The following ROBO2 variants were observed in gnomAD, a reference collection of about 807,000 sequenced individuals.
ROBO2 encodes roundabout homolog 2.
In ROBO2, 53 loss-of-function variants were observed where a neutral mutation model predicts 160.8. The observed-to-expected ratio is 0.33, with a 90% CI of 0.26 to 0.41. The LOEUF (loss-of-function observed/expected upper bound fraction) is 0.41, where lower values mean the gene tolerates loss of function less well. ROBO2 is among the 10% of genes least tolerant of loss of function. The probability of loss-of-function intolerance (pLI) is 1.00; values close to 1 mark genes in which losing one functional copy is unlikely to be tolerated. For missense variants in ROBO2, 1,577 were observed against 1,722.4 expected, an observed-to-expected ratio of 0.92 and a Z score of 1.49; for synonymous variants, 664 against 611.7, an observed-to-expected ratio of 1.09 and a Z score of -1.26.
At chr3:76,533,467 A>AC (rs1486544245) in intron 2 of ROBO2, among the ~76,000 whole-genome samples, 1 of 152,258 alleles carries the variant, frequency 6.6e-6, no homozygotes, top group Non-Finnish European at 1.5e-5. Flanking sequence ...TGATAGATGC[A>AC]CATCATATTA....
chr3:76,416,853 G>T (rs183162707), intron 2 of ROBO2, among the ~76,000 whole-genome samples: 1 of 152,124 alleles, frequency 6.6e-6, no homozygotes, highest in Non-Finnish European at 1.5e-5. Context: ...TGTAGAGTTC[G>T]AGTTATCAGT....
In ROBO2 at chr3:77,595,715, A is replaced by G. The variant is rs143196632; in HGVS notation, c.2726+531A>G. Reference sequence around the variant, plus strand: ...TGGAGATTGTAATTAGGCTCTGGTAATAACTTCCAATCTCCCATTTAATCA... The same window carrying G: ...TGGAGATTGTAATTAGGCTCTGGTAGTAACTTCCAATCTCCCATTTAATCA... On this transcript the variant is annotated intron_variant, in intron 18 of 25. Transcript: ENST00000461745. 6.4e-4 allele frequency among the ~76,000 whole-genome samples: 98 copies of G among 152,318 alleles called. 1 individual carries two copies. In the East Asian group the frequency reaches 0.018, roughly 29 times the overall value.
intron 2 of ROBO2, among the ~76,000 whole-genome samples, chr3:76,836,228 A>G (rs1295956900): frequency 6.6e-6 from 1 of 151,836 alleles, no homozygotes; most frequent in Non-Finnish European, 1.5e-5. Context: ...GTTGATTACT[A>G]CTTCCTTAAT....
At position 77,556,088 on chromosome 3, in the gene ROBO2, G is replaced by A. The variant is rs562454510; in HGVS notation, c.1232-1856G>A. On this transcript the variant is annotated intron_variant, in intron 8 of 25. Transcript: ENST00000461745. The stretch of plus-strand genomic sequence containing the variant: ...AGGTATTTAATTTGGAAAAAAAATC[G>A]TTTAAAATTTAATTAGTATGCTTTA... Among the ~76,000 whole-genome samples, 295 of 151,730 alleles carry A rather than the reference G, an allele frequency of 1.9e-3. 1 individual carries two copies. Among genetic ancestry groups the A allele is most frequent in the African/African-American group, 6.3e-3 (260 of 41,442 alleles).
chr3:76,785,981 C>T (rs2062948139), intron 2 of ROBO2, among the ~76,000 whole-genome samples: 2 of 151,406 alleles, frequency 1.3e-5, no homozygotes, highest in South Asian at 4.1e-4. Context: ...AACTGAAGGT[C>T]AAATCAGTAA....
At chr3:77,520,514 A>G (rs527829712) in intron 5 of ROBO2, among the ~76,000 whole-genome samples, 32 of 151,338 alleles carry the variant, frequency 2.1e-4, no homozygotes, top group African/African-American at 7.5e-4. Flanking sequence ...AATATACAAT[A>G]TAGGTATCTT....
intron 2 of ROBO2, among the ~76,000 whole-genome samples, chr3:76,645,987 G>A (rs996470866): frequency 6.6e-6 from 1 of 152,138 alleles, no homozygotes; most frequent in Non-Finnish European, 1.5e-5. Flanking sequence ...GAGTATTCAA[G>A]GCTTGGGCAT....
chr3:76,486,641 C>G (rs899263705), intron 2 of ROBO2, among the ~76,000 whole-genome samples: 7 of 152,088 alleles, frequency 4.6e-5, no homozygotes, highest in African/African-American at 1.7e-4. Flanking sequence ...AGAGTCTTCT[C>G]AAATATTAGA....
chr3:76,211,956 GTTAA>G (rs1703173950), intron 2 of ROBO2, among the ~76,000 whole-genome samples: 1 of 151,812 alleles, frequency 6.6e-6, no homozygotes, highest in African/African-American at 2.4e-5. Flanking sequence ...TACAATTGAG[GTTAA>G]TTAATAAGAA....
At chr3:77,382,456 T>C (rs1455419737) in intron 2 of ROBO2, among the ~76,000 whole-genome samples, 1 of 152,114 alleles carries the variant, frequency 6.6e-6, no homozygotes, top group Admixed American at 6.5e-5. Context: ...CAAGTTGTTT[T>C]TGGTTAAATG....
chr3:76,216,579 G>T (rs1703547107), intron 2 of ROBO2, among the ~76,000 whole-genome samples: 1 of 152,138 alleles, frequency 6.6e-6, no homozygotes, highest in African/African-American at 2.4e-5. Flanking sequence ...TTACGTAATG[G>T]TAAAGGGATC....
At chr3:77,274,184 T>C (rs2059680263) in intron 2 of ROBO2, among the ~76,000 whole-genome samples, 3 of 152,126 alleles carry the variant, frequency 2.0e-5, no homozygotes, top group Non-Finnish European at 2.9e-5. Context: ...GTCACACAGG[T>C]GCATATAAAA....
intron 2 of ROBO2, among the ~76,000 whole-genome samples, chr3:76,834,823 C>G (rs933517315): frequency 2.0e-5 from 3 of 152,156 alleles, no homozygotes; most frequent in Non-Finnish European, 4.4e-5. Flanking sequence ...GCAATCATTT[C>G]ATTGGCCAAA....
At chr3:76,665,432 C>T (rs946440890) in intron 2 of ROBO2, among the ~76,000 whole-genome samples, 16 of 151,710 alleles carry the variant, frequency 1.1e-4, no homozygotes, top group African/African-American at 3.9e-4. Context: ...AAATGTTGCA[C>T]CCACAGCTTC....
chr3:77,042,663 A>G (rs2064215360), intron 1 of ROBO2, among the ~76,000 whole-genome samples: 1 of 152,110 alleles, frequency 6.6e-6, no homozygotes, highest in African/African-American at 2.4e-5. Flanking sequence ...GTAGTAAGAC[A>G]CCATTTCTGT....
chr3:76,047,861 T>A (rs1476650245), intron 2 of ROBO2, among the ~76,000 whole-genome samples: 1 of 152,216 alleles, frequency 6.6e-6, no homozygotes, highest in Non-Finnish European at 1.5e-5. Flanking sequence ...CCTGGGCTTT[T>A]AAAATATCAG....
intron 2 of ROBO2, among the ~76,000 whole-genome samples, chr3:75,950,598 G>A (rs1192770475): frequency 2.0e-5 from 3 of 151,266 alleles, no homozygotes. Context: ...GCAGGTCTTT[G>A]AATAATGACA....
At chr3:76,812,561 G>A (rs576161952) in intron 2 of ROBO2, among the ~76,000 whole-genome samples, 5 of 151,854 alleles carry the variant, frequency 3.3e-5, no homozygotes, top group Non-Finnish European at 4.4e-5. Context: ...GACATCTATG[G>A]TATTTTTCTA....
chr3:77,418,118 A>G (rs1440899536), intron 2 of ROBO2, among the ~76,000 whole-genome samples: 1 of 151,830 alleles, frequency 6.6e-6, no homozygotes, highest in Non-Finnish European at 1.5e-5. Flanking sequence ...TTAGTAGCCC[A>G]CTGAAAGTAA....
Sources: allele counts gnomAD v4.1 joint callset (sites outside exome capture counted in the v4.1 genomes callset), GRCh38; gene constraint gnomAD v4.1.1; transcripts MANE v1.5; gene names NCBI Gene and HGNC (gene_info 2026-07-23, HGNC 2026-07-21).